EIF2S2: variants seen among roughly 807,000 people sequenced by gnomAD.
The protein encoded by EIF2S2 is eukaryotic translation initiation factor 2 subunit 2.
Under a neutral mutation model 44.0 loss-of-function variants are expected in EIF2S2, and 4 were observed. The ratio of observed to expected loss-of-function variants is 0.09; its 90% CI spans 0.04 to 0.21. The LOEUF is 0.21. Among genes scored for constraint, EIF2S2 ranks in the 10% least tolerant of loss-of-function variants. The probability of loss-of-function intolerance (pLI) is 1.00; values close to 1 mark genes in which losing one functional copy is unlikely to be tolerated. For missense variants in EIF2S2, 154 were observed against 392.0 expected (o/e 0.39, Z 5.13); for synonymous variants, 108 against 128.3 (o/e 0.84, Z 1.07).
At chr20:34,106,695 G>A (rs1222685757) in intron 1 of EIF2S2, among the ~76,000 whole-genome samples, 1 of 152,120 alleles carries the variant, frequency 6.6e-6, no homozygotes, top group Admixed American at 6.5e-5. Context: ...GCCTCCCAGT[G>A]TTAGGATTAC....
At chr20:34,106,750 C>G (rs2034354026) in intron 1 of EIF2S2, among the ~76,000 whole-genome samples, 1 of 152,120 alleles carries the variant, frequency 6.6e-6, no homozygotes, top group Admixed American at 6.6e-5. Context: ...TTATTCTTAT[C>G]TAAATGTCCA....
chr20:34,107,801 G>C (rs1313672040), intron 1 of EIF2S2, among the ~76,000 whole-genome samples: 7 of 152,174 alleles, frequency 4.6e-5, no homozygotes, highest in Admixed American at 3.9e-4. Flanking sequence ...AGAGAAGTAT[G>C]GTATTTGCAT....
chr20:34,100,230 G>A (rs1023134946), intron 3 of EIF2S2, among the ~76,000 whole-genome samples: 4 of 152,116 alleles, frequency 2.6e-5, no homozygotes, highest in African/African-American at 9.7e-5. Flanking sequence ...GGCCAGGCTG[G>A]TCTCAAACTC....
chr20:34,098,899 G>GT (rs1183705353), intron 3 of EIF2S2, among the ~76,000 whole-genome samples: 1 of 152,150 alleles, frequency 6.6e-6, no homozygotes, highest in East Asian at 1.9e-4. Context: ...CAAAATTGAA[G>GT]TTACAGATAA....
chr20:34,098,168 C>T (rs902162095), intron 4 of EIF2S2, among the ~76,000 whole-genome samples: 2 of 151,926 alleles, frequency 1.3e-5, no homozygotes, highest in African/African-American at 2.4e-5. Context: ...ATCGCTTGAA[C>T]CCGGTAGGCA....
intron 2 of EIF2S2, 39 bp downstream of exon 2, chr20:34,105,329 T>C: frequency 1.3e-6 from 2 of 1,594,518 alleles, no homozygotes. Flanking sequence ...GAACCAGGGC[T>C]TCTATGACAA....
intron 6 of EIF2S2, among the ~76,000 whole-genome samples, chr20:34,094,557 A>T (rs760394093): frequency 9.2e-5 from 14 of 152,184 alleles, no homozygotes; most frequent in Non-Finnish European, 1.9e-4. Context: ...TTTCATGTGT[A>T]AAATTTTCAT....
intron 1 of EIF2S2, among the ~76,000 whole-genome samples, chr20:34,109,687 CAAA>C (rs2034389527): frequency 6.6e-6 from 1 of 150,426 alleles, no homozygotes; most frequent in African/African-American, 2.4e-5. Flanking sequence ...CAAAAACAAA[CAAA>C]AAAAATCATA....
At chr20:34,109,633 C>A (rs2034388485) in intron 1 of EIF2S2, among the ~76,000 whole-genome samples, 1 of 151,930 alleles carries the variant, frequency 6.6e-6, no homozygotes, top group African/African-American at 2.4e-5. Flanking sequence ...GCACTCCAGC[C>A]TGGGAAACAA....
intron 2 of EIF2S2, 104 bp from the exon 3 acceptor site, chr20:34,103,669 G>A (rs1305706273): frequency 7.4e-7 from 1 of 1,355,270 alleles, no homozygotes; most frequent in East Asian, 3.1e-5. Flanking sequence ...AGAAAAGACT[G>A]ACTATTAATT....
rs763617269 is a variant in EIF2S2 at position 34,112,137 on chromosome 20, G to A, written c.-27C>T. The A allele has an allele frequency of 9.7e-6, 15 of 1,538,490 alleles. No homozygotes were observed. The African/African-American group carries it at 1.1e-4, about 11-fold the overall frequency. ...GCTGCGGCTCGAGTGGGCTCGGCAC[G>A]GACGGGAAGTCAGACGGGTCAGCCC... On this transcript the variant is annotated 5_prime_UTR_variant, in exon 1 of 9. Transcript: ENST00000374980.
chr20:34,095,503 G>A (rs757644099), intron 6 of EIF2S2, among the ~76,000 whole-genome samples: 1 of 152,046 alleles, frequency 6.6e-6, no homozygotes, highest in Non-Finnish European at 1.5e-5. Context: ...TAGTAGAGCC[G>A]GGGTTTCACT....
chr20:34,111,967 G>T, intron 1 of EIF2S2, 129 bp downstream of exon 1: 1 of 1,094,742 alleles, frequency 9.1e-7, no homozygotes, highest in Non-Finnish European at 1.2e-6. Context: ...TGCCGCTCCG[G>T]GCCGCCTAGG....
chr20:34,105,576 C>G (rs1474964889), intron 1 of EIF2S2, 31 bp from the exon 2 acceptor site: 2 of 1,506,054 alleles, frequency 1.3e-6, no homozygotes, highest in East Asian at 4.8e-5. Flanking sequence ...AAAAAGGGAC[C>G]AAATGATTGT....
chr20:34,103,603 G>A lies in EIF2S2; in HGVS notation c.194-38C>T, dbSNP rs370210786. 3.2e-5 allele frequency: 48 copies of A among 1,496,074 alleles called. No homozygotes were observed. In the Middle Eastern group the frequency reaches 5.3e-4, roughly 17 times the overall value. The allele number at this position is 1,496,074 out of a possible 1,614,324, so 92.7% of individuals were successfully genotyped here. ...AGGCATAATTATTAACAACTAAAAG[G>A]CAAAGCATCAAATTATGAGTTACAC... is the stretch of plus-strand genomic sequence containing the variant. On this transcript the variant is annotated intron_variant, in intron 2 of 8. Coordinates refer to ENST00000374980, the MANE Select transcript of EIF2S2 (RefSeq NM_003908.5).
At chr20:34,107,779 T>G (rs2034366074) in intron 1 of EIF2S2, among the ~76,000 whole-genome samples, 1 of 152,218 alleles carries the variant, frequency 6.6e-6, no homozygotes, top group South Asian at 2.1e-4. Flanking sequence ...ACAGTTACTG[T>G]CCTTGCCCAG....
chr20:34,103,254 T>C (rs2034313606), intron 3 of EIF2S2, among the ~76,000 whole-genome samples: 1 of 152,206 alleles, frequency 6.6e-6, no homozygotes, highest in African/African-American at 2.4e-5. Context: ...CAATACAATA[T>C]GTAAGACCTA....
intron 4 of EIF2S2, 80 bp downstream of exon 4, chr20:34,098,418 G>A: frequency 6.6e-7 from 1 of 1,510,150 alleles, no homozygotes; most frequent in Non-Finnish European, 8.9e-7. Context: ...AATTTTAAAA[G>A]CACCCTCCAC....
chr20:34,105,898 A>T (rs144844554), intron 1 of EIF2S2, among the ~76,000 whole-genome samples: 1 of 152,172 alleles, frequency 6.6e-6, no homozygotes, highest in Non-Finnish European at 1.5e-5. Context: ...ATAGGAAAAC[A>T]ATACCTAAGC....
Sources: gnomAD v4.1 joint callset for allele counts (sites outside exome capture counted in the v4.1 genomes callset) on GRCh38, gnomAD v4.1.1 for gene constraint, MANE v1.5 for transcripts, NCBI Gene and HGNC (gene_info 2026-07-23, HGNC 2026-07-21) for gene names.